Variants in OSBPL10 observed in about 807,000 individuals in gnomAD.
The protein encoded by OSBPL10 is oxysterol-binding protein-related protein 10.
OSBPL10 carries 49 observed loss-of-function variants against 81.7 expected under a neutral mutation model. That is an observed-to-expected ratio of 0.60 (90% confidence interval 0.48 to 0.76). The LOEUF (loss-of-function observed/expected upper bound fraction) is 0.76. Among genes scored for constraint, OSBPL10 ranks in the 30% least tolerant of loss-of-function variants. The pLI, the probability that OSBPL10 is intolerant of heterozygous loss-of-function variation, is 0.00. For synonymous variants in OSBPL10, 419 were observed against 383.6 expected (o/e 1.09, Z -1.08); for missense variants, 923 against 987.8 (o/e 0.93, Z 0.88).
Position 31,664,075 on chromosome 3 carries a change from T to G in OSBPL10, c.2250+4A>C, listed in dbSNP as rs1575460207. On this transcript the variant is annotated splice_donor_region_variant and intron_variant, in intron 11 of 11. Transcript: ENST00000396556. ...AAGGGACCAATGACAGGCGGCAGAGTTACCTCCTGGATAAAATATTTGGGC... is the reference window on the plus strand; with the variant it reads ...AAGGGACCAATGACAGGCGGCAGAGGTACCTCCTGGATAAAATATTTGGGC... The G allele has an allele frequency of 2.5e-6, 4 of 1,613,878 alleles. No homozygotes were observed. Among genetic ancestry groups the G allele is most frequent in the Non-Finnish European group, 3.4e-6 (4 of 1,179,994 alleles).
chr3:32,041,904 C>A (rs1169372151), intron 2 of OSBPL10, among the ~76,000 whole-genome samples: 1 of 152,164 alleles, frequency 6.6e-6, no homozygotes, highest in Admixed American at 6.5e-5. Context: ...AGGTGATCTG[C>A]CTGCCTCAAC....
chr3:31,792,035 C>G (rs970144231), intron 4 of OSBPL10, among the ~76,000 whole-genome samples: 2 of 151,912 alleles, frequency 1.3e-5, no homozygotes, highest in African/African-American at 2.4e-5. Context: ...CACTTGAGCC[C>G]AGGAGTTTGA....
At chr3:31,817,605 C>G (rs922675242) in intron 4 of OSBPL10, among the ~76,000 whole-genome samples, 4 of 152,156 alleles carry the variant, frequency 2.6e-5, no homozygotes, top group Non-Finnish European at 4.4e-5. Flanking sequence ...CCAGCCCCGT[C>G]TAAGACCACA....
intron 4 of OSBPL10, chr3:31,795,846 G>A: frequency 1.6e-5 from 4 of 247,664 alleles, no homozygotes; most frequent in Non-Finnish European, 3.6e-5. Context: ...CTGGAGAAAG[G>A]CCATATGAGT....
chr3:31,693,720 A>G (rs183520099), intron 7 of OSBPL10, among the ~76,000 whole-genome samples: 29 of 152,302 alleles, frequency 1.9e-4, no homozygotes, highest in Admixed American at 6.5e-4. Context: ...CAGTAGACAC[A>G]ATACGGTCTG....
At chr3:31,704,872 AAAGTCTTCC>A (rs1361962573) in intron 6 of OSBPL10, 1 of 152,308 alleles carries the variant, frequency 6.6e-6, no homozygotes, top group African/African-American at 2.4e-5. Flanking sequence ...TAGTAGCCAG[AAAGTCTTCC>A]ACAAGATCCA....
At chr3:31,684,708 G>A (rs1432605088) in intron 7 of OSBPL10, among the ~76,000 whole-genome samples, 1 of 152,226 alleles carries the variant, frequency 6.6e-6, no homozygotes, top group Non-Finnish European at 1.5e-5. Context: ...CCAGCTCCAG[G>A]ACGGGGCAGG....
intron 2 of OSBPL10, among the ~76,000 whole-genome samples, chr3:32,039,213 C>A (rs1699548178): frequency 6.6e-6 from 1 of 151,518 alleles, no homozygotes; most frequent in Non-Finnish European, 1.5e-5. Context: ...GTAATCTCAG[C>A]TACTTAGGAG....
At chr3:31,931,496 T>C (rs1016467589) in intron 1 of OSBPL10, among the ~76,000 whole-genome samples, 1 of 152,196 alleles carries the variant, frequency 6.6e-6, no homozygotes, top group Non-Finnish European at 1.5e-5. Flanking sequence ...TTTAAGGAGA[T>C]GACCTTGGCC....
chr3:31,980,778 G>C lies in OSBPL10; in HGVS notation c.281+121C>G, dbSNP rs1237355207. On this transcript the variant is annotated intron_variant, in intron 1 of 11. Coordinates refer to ENST00000396556, the MANE Select transcript of OSBPL10 (RefSeq NM_017784.5). ...AAGGGCACCGTTGGGAGGCATCACT[G>C]GGTTCGCTGAAGGCACAATCGCGCG... 2.6e-5 allele frequency: 33 copies of C among 1,251,592 alleles called. No individual in the cohort carries two copies. In the East Asian group the frequency reaches 9.5e-4, roughly 36 times the overall value. The allele number at this position is 1,251,592 out of a possible 1,614,324, so 77.5% of individuals were successfully genotyped here.
intron 2 of OSBPL10, chr3:31,990,161 C>T: frequency 1.2e-6 from 2 of 1,611,052 alleles, no homozygotes; most frequent in Admixed American, 1.7e-5. Flanking sequence ...ACACAACACA[C>T]TAGAATTCAC....
chr3:31,689,797 C>G (rs569471008), intron 7 of OSBPL10, among the ~76,000 whole-genome samples: 1 of 152,108 alleles, frequency 6.6e-6, no homozygotes, highest in Non-Finnish European at 1.5e-5. Context: ...TGAGGCCTCC[C>G]CAGCCATTTG....
chr3:32,076,828 G>T (rs1317410679), intron 1 of OSBPL10, among the ~76,000 whole-genome samples: 2 of 152,204 alleles, frequency 1.3e-5, no homozygotes, highest in East Asian at 3.9e-4. Context: ...TCTTGTGGCT[G>T]AGTCAATTCC....
intron 11 of OSBPL10, chr3:31,663,631 A>T: frequency 9.6e-7 from 1 of 1,045,092 alleles, no homozygotes; most frequent in African/African-American, 1.7e-5. Context: ...CACAGGAGGC[A>T]AAGCTCTGAA....
intron 1 of OSBPL10, among the ~76,000 whole-genome samples, chr3:31,955,405 G>A (rs1368525831): frequency 6.6e-6 from 1 of 152,194 alleles, no homozygotes; most frequent in African/African-American, 2.4e-5. Context: ...AATAGAAAAA[G>A]AACCATATGA....
At chr3:31,781,148 G>A (rs915499801) in intron 4 of OSBPL10, among the ~76,000 whole-genome samples, 2 of 152,166 alleles carry the variant, frequency 1.3e-5, no homozygotes, top group African/African-American at 4.8e-5. Flanking sequence ...GGGATTCAGA[G>A]ATGGTTTAAC....
intron 7 of OSBPL10, among the ~76,000 whole-genome samples, chr3:31,692,709 ATCT>A (rs1435553864): frequency 6.6e-6 from 1 of 152,216 alleles, no homozygotes; most frequent in African/African-American, 2.4e-5. Context: ...ATCTTATGTA[ATCT>A]TCTTAGATGT....
intron 2 of OSBPL10, chr3:31,990,253 C>T (rs1699007366): frequency 6.2e-7 from 1 of 1,613,854 alleles, no homozygotes; most frequent in African/African-American, 1.3e-5. Flanking sequence ...TCAAGCAATC[C>T]ATGGTATAGG....
intron 11 of OSBPL10, 52 bp downstream of exon 11, chr3:31,664,027 T>G (rs1488656899): frequency 6.2e-7 from 1 of 1,614,010 alleles, no homozygotes. Flanking sequence ...ATCTACCCTC[T>G]CAGGACAAGT....
Sources: gnomAD v4.1 joint callset for allele counts (sites outside exome capture counted in the v4.1 genomes callset) on GRCh38, gnomAD v4.1.1 for gene constraint, MANE v1.5 for transcripts, NCBI Gene and HGNC (gene_info 2026-07-23, HGNC 2026-07-21) for gene names.